The following DPP10 variants were observed in gnomAD, a reference collection of about 807,000 sequenced individuals.
DPP10 encodes the protein inactive dipeptidyl peptidase 10.
In DPP10, 33 loss-of-function variants were observed where a neutral mutation model predicts 120.9. That is an observed-to-expected ratio of 0.27 (90% confidence interval 0.21 to 0.37). The LOEUF (loss-of-function observed/expected upper bound fraction) is 0.37, where lower values mean the gene tolerates loss of function less well. Among genes scored for constraint, DPP10 ranks in the 10% least tolerant of loss-of-function variants. DPP10 has a pLI of 1.00. For missense variants in DPP10, 816 were observed against 942.8 expected (o/e 0.87, Z 1.76); for synonymous variants, 337 against 326.1 (o/e 1.03, Z -0.36).
intron 5 of DPP10, among the ~76,000 whole-genome samples, chr2:115,636,211 CT>C (rs1208833099): frequency 1.3e-5 from 2 of 150,892 alleles, no homozygotes; most frequent in Non-Finnish European, 2.9e-5. Context: ...CTACCCTGGG[CT>C]TCTCAAAAAG....
chr2:115,103,388 C>T (rs1559098490), intron 1 of DPP10, among the ~76,000 whole-genome samples: 1 of 152,084 alleles, frequency 6.6e-6, no homozygotes, highest in Non-Finnish European at 1.5e-5. Context: ...CGGGGTTTCA[C>T]CATGTTAGCC....
At chr2:115,637,116 G>T (rs2086401323) in intron 5 of DPP10, among the ~76,000 whole-genome samples, 1 of 151,936 alleles carries the variant, frequency 6.6e-6, no homozygotes, top group African/African-American at 2.4e-5. Context: ...AATGTTAAAG[G>T]TATAATGTAA....
chr2:115,831,585 T>C (rs528088630), intron 21 of DPP10, among the ~76,000 whole-genome samples: 1 of 152,248 alleles, frequency 6.6e-6, no homozygotes, highest in South Asian at 2.1e-4. Flanking sequence ...TCCCTTTTAC[T>C]ATATTCATAA....
At chr2:115,402,448 A>G (rs1269657922) in intron 3 of DPP10, among the ~76,000 whole-genome samples, 2 of 152,170 alleles carry the variant, frequency 1.3e-5, no homozygotes, top group African/African-American at 4.8e-5. Flanking sequence ...TCAGAAATGC[A>G]AGGCGAGGCA....
chr2:114,505,183 C>A (rs1236282972), intron 1 of DPP10, among the ~76,000 whole-genome samples: 1 of 149,672 alleles, frequency 6.7e-6, no homozygotes, highest in African/African-American at 2.5e-5. Flanking sequence ...AAAATATAGA[C>A]CCAAAGAAGT....
intron 1 of DPP10, among the ~76,000 whole-genome samples, chr2:115,212,828 G>A (rs1030069950): frequency 6.6e-6 from 1 of 152,080 alleles, no homozygotes; most frequent in Non-Finnish European, 1.5e-5. Context: ...GGTTATGCAT[G>A]CTCTGTCTTA....
rs991522917 is a variant in DPP10 at position 114,568,522 on chromosome 2, C to T, written c.60+125684C>T. Among the ~76,000 whole-genome samples the T allele has an allele frequency of 3.9e-5, 6 of 152,166 alleles. No individual in the cohort carries two copies. In the South Asian group the frequency reaches 6.2e-4, roughly 16 times the overall value. The stretch of plus-strand genomic sequence containing the variant: ...CACAACAATTTGTGGCTCTAGTCCA[C>T]GATTTCTCAATCCTGTCACACTCAC... On this transcript the variant is annotated intron_variant, in intron 1 of 25. Coordinates refer to ENST00000410059, the MANE Select transcript of DPP10 (RefSeq NM_020868.6).
intron 2 of DPP10, among the ~76,000 whole-genome samples, chr2:115,321,515 G>GTTTTTTTTTTTTTTTTTTTTTGTTTT (rs35046366): frequency 8.2e-6 from 1 of 121,592 alleles, no homozygotes; most frequent in Non-Finnish European, 1.6e-5. Flanking sequence ...TTTTTTTAGT[G>GTTTTTTTTTTTTTTTTTTTTTGTTTT]TTTTTTTTTT....
intron 1 of DPP10, among the ~76,000 whole-genome samples, chr2:114,683,179 G>A (rs72955637): frequency 0.021 from 3,226 of 152,042 alleles, 121 homozygotes; most frequent in African/African-American, 0.074. Flanking sequence ...ATGAGGAAAC[G>A]TAGATTATGA....
rs1285066201 is a variant in DPP10 at position 114,856,465 on chromosome 2, G to A, written c.60+413627G>A. Among the ~76,000 whole-genome samples the A allele has an allele frequency of 2.0e-5, 3 of 152,076 alleles. No individual in the cohort carries two copies. In the East Asian group the frequency reaches 5.8e-4, roughly 29 times the overall value. ...AATATGTCATCTGTGACAAGCATGAGAATTTTGAGGACAATACTAAAAATT... is the reference window on the plus strand; with the variant it reads ...AATATGTCATCTGTGACAAGCATGAAAATTTTGAGGACAATACTAAAAATT... On this transcript the variant is annotated intron_variant, in intron 1 of 25. Transcript: ENST00000410059.
At chr2:115,802,108 G>A (rs549962781) in intron 19 of DPP10, among the ~76,000 whole-genome samples, 2,839 of 152,028 alleles carry the variant, frequency 0.019, 90 homozygotes, top group African/African-American at 0.062. Context: ...CTCCAATTTC[G>A]GAGCCTGTTA....
chr2:115,608,746 A>G lies in DPP10; in HGVS notation c.442-80941A>G, dbSNP rs940143812. ...AGGAACAATAGTAAGAAAACTAAAG[A>G]AATAGAACATGAAAGTGGGGAGTAT... is the stretch of plus-strand genomic sequence containing the variant. On this transcript the variant is annotated intron_variant, in intron 5 of 25. Transcript: ENST00000410059. Among the ~76,000 whole-genome samples the G allele has an allele frequency of 1.5e-4, 23 of 152,298 alleles. 1 individual carries two copies. The highest frequency in any genetic ancestry group is 1.5e-3 in the Admixed American group (23 of 15,286).
chr2:114,804,309 C>A (rs1331429280), intron 1 of DPP10, among the ~76,000 whole-genome samples: 2 of 152,158 alleles, frequency 1.3e-5, no homozygotes, highest in Non-Finnish European at 2.9e-5. Flanking sequence ...TCTGCTAGGG[C>A]AGTGCAGAAG....
At chr2:115,399,045 CA>C (rs748975131) in intron 3 of DPP10, among the ~76,000 whole-genome samples, 24 of 152,092 alleles carry the variant, frequency 1.6e-4, no homozygotes, top group Non-Finnish European at 3.2e-4. Flanking sequence ...GTTGATTATG[CA>C]TAAAATAATT....
intron 1 of DPP10, among the ~76,000 whole-genome samples, chr2:114,894,821 TA>T (rs1456344188): frequency 6.6e-6 from 1 of 152,028 alleles, no homozygotes; most frequent in Non-Finnish European, 1.5e-5. Flanking sequence ...TTAGCCTCTG[TA>T]AAACTGTAAA....
chr2:115,783,254 A>G (rs1682976352), intron 17 of DPP10, among the ~76,000 whole-genome samples: 1 of 152,140 alleles, frequency 6.6e-6, no homozygotes, highest in South Asian at 2.1e-4. Context: ...AGTCTCAAAG[A>G]GGTTAAGTGG....
intron 2 of DPP10, among the ~76,000 whole-genome samples, chr2:115,316,803 G>A (rs532103810): frequency 5.9e-5 from 9 of 152,174 alleles, no homozygotes; most frequent in South Asian, 2.1e-4. Context: ...GAGAAGTCAG[G>A]TTTCCATAAA....
intron 1 of DPP10, among the ~76,000 whole-genome samples, chr2:114,636,466 C>A (rs1413646343): frequency 6.6e-6 from 1 of 151,940 alleles, no homozygotes; most frequent in East Asian, 1.9e-4. Flanking sequence ...CCCAAAATTC[C>A]TTTTGCATCA....
intron 10 of DPP10, among the ~76,000 whole-genome samples, chr2:115,751,728 GA>G (rs1357705973): frequency 2.6e-5 from 4 of 151,820 alleles, no homozygotes; most frequent in Non-Finnish European, 5.9e-5. Context: ...TTTGTATCAA[GA>G]GGTTATTTTT....
Sources: allele counts gnomAD v4.1 joint callset (sites outside exome capture counted in the v4.1 genomes callset), GRCh38; gene constraint gnomAD v4.1.1; transcripts MANE v1.5; gene names NCBI Gene and HGNC (gene_info 2026-07-23, HGNC 2026-07-21).